Variants in UBE2E2 observed in about 807,000 individuals in gnomAD.
UBE2E2 encodes the protein ubiquitin-conjugating enzyme E2 E2.
Under a neutral mutation model 24.7 loss-of-function variants are expected in UBE2E2, and 6 were observed. The ratio of observed to expected loss-of-function variants is 0.24; its 90% CI spans 0.13 to 0.48. UBE2E2 has a LOEUF of 0.48. Among genes scored for constraint, UBE2E2 ranks in the 20% least tolerant of loss-of-function variants. The pLI is 0.99. For synonymous variants in UBE2E2, 104 were observed against 83.6 expected (o/e 1.24, Z -1.33); for missense variants, 169 against 245.0 (o/e 0.69, Z 2.07).
At chr3:23,536,757 T>A (rs903540753) in intron 5 of UBE2E2, among the ~76,000 whole-genome samples, 3 of 152,248 alleles carry the variant, frequency 2.0e-5, no homozygotes, top group Non-Finnish European at 4.4e-5. Context: ...GATACTGAGA[T>A]TGACCATTAT....
In UBE2E2 at chr3:23,284,332, CT is replaced by C. The variant is rs1698558676; in HGVS notation, c.227+67025del. Among the ~76,000 whole-genome samples the C allele has an allele frequency of 5.3e-5, 8 of 152,040 alleles. No homozygotes were observed. The South Asian group carries it at 1.7e-3, about 32-fold the overall frequency. ...TGTGATTTTTAAAAATGTAAAGACT[CT>C]TTTTGGCCTTATTTGAGCTCATAAA... On this transcript the variant is annotated intron_variant, in intron 3 of 5. Coordinates refer to ENST00000396703, the MANE Select transcript of UBE2E2 (RefSeq NM_152653.4).
intron 3 of UBE2E2, among the ~76,000 whole-genome samples, chr3:23,398,299 C>T (rs1459837379): frequency 1.7e-5 from 2 of 116,120 alleles, no homozygotes; most frequent in Non-Finnish European, 3.2e-5. Flanking sequence ...GACAGCAGAG[C>T]AAGACTCCAT....
chr3:23,399,357 G>A (rs1697160262), intron 3 of UBE2E2, among the ~76,000 whole-genome samples: 2 of 152,156 alleles, frequency 1.3e-5, no homozygotes, highest in African/African-American at 4.8e-5. Flanking sequence ...CTGAGATCTG[G>A]TAACTGAGAT....
At chr3:23,292,605 C>T (rs1698798467) in intron 3 of UBE2E2, among the ~76,000 whole-genome samples, 1 of 152,172 alleles carries the variant, frequency 6.6e-6, no homozygotes, top group African/African-American at 2.4e-5. Flanking sequence ...TTAAAATTCA[C>T]CTCCTCCTGG....
intron 5 of UBE2E2, among the ~76,000 whole-genome samples, chr3:23,586,249 A>G (rs1219545523): frequency 6.6e-6 from 1 of 152,202 alleles, no homozygotes; most frequent in African/African-American, 2.4e-5. Context: ...GATAGTTACT[A>G]TGTTGAATAG....
chr3:23,585,670 C>G (rs890622181), intron 5 of UBE2E2, among the ~76,000 whole-genome samples: 2 of 152,072 alleles, frequency 1.3e-5, no homozygotes, highest in East Asian at 3.9e-4. Context: ...ATTTACTTAT[C>G]TACTGATAAA....
chr3:23,353,280 T>C (rs1369129495), intron 3 of UBE2E2, among the ~76,000 whole-genome samples: 4 of 151,970 alleles, frequency 2.6e-5, no homozygotes, highest in Non-Finnish European at 4.4e-5. Flanking sequence ...GCCAATATCA[T>C]ACTGAATGGG....
intron 3 of UBE2E2, among the ~76,000 whole-genome samples, chr3:23,458,608 G>A (rs1251516895): frequency 1.3e-5 from 2 of 152,030 alleles, no homozygotes; most frequent in Non-Finnish European, 2.9e-5. Flanking sequence ...TAGTAGAGAT[G>A]GGGTTTTACT....
chr3:23,242,757 A>G (rs1386112147), intron 3 of UBE2E2, among the ~76,000 whole-genome samples: 1 of 152,132 alleles, frequency 6.6e-6, no homozygotes, highest in East Asian at 1.9e-4. Context: ...TAAAATCCCC[A>G]AATTTCTTAT....
rs148903719 is a variant in UBE2E2 at position 23,566,550 on chromosome 3, A to G, written c.509-23184A>G. Among the ~76,000 whole-genome samples, 98 of 152,324 alleles carry G rather than the reference A, an allele frequency of 6.4e-4. 5 individuals are homozygous for G. The East Asian group carries it at 0.015, about 24-fold the overall frequency. ...TCACAGTTCTGCAGGGTGTACAAGAAGTATAGTGCCAGCATCTGCTTCTGG... is the reference window on the plus strand; with the variant it reads ...TCACAGTTCTGCAGGGTGTACAAGAGGTATAGTGCCAGCATCTGCTTCTGG... On this transcript the variant is annotated intron_variant, in intron 5 of 5. Transcript: ENST00000396703.
chr3:23,514,647 A>G (rs1289611533), intron 4 of UBE2E2, among the ~76,000 whole-genome samples: 4 of 151,998 alleles, frequency 2.6e-5, no homozygotes, highest in South Asian at 2.1e-4. Flanking sequence ...CTGCATGAGA[A>G]ATGACAAATG....
chr3:23,336,469 T>C (rs778638703), intron 3 of UBE2E2, among the ~76,000 whole-genome samples: 1 of 152,214 alleles, frequency 6.6e-6, no homozygotes, highest in Non-Finnish European at 1.5e-5. Context: ...GTAAAAGTTT[T>C]GTCAGGAGGT....
chr3:23,444,260 T>C (rs948217327), intron 3 of UBE2E2, among the ~76,000 whole-genome samples: 3 of 152,134 alleles, frequency 2.0e-5, no homozygotes, highest in African/African-American at 7.2e-5. Context: ...TCTGGACATA[T>C]TTCTTCTTCC....
chr3:23,409,674 C>T (rs1697453608), intron 3 of UBE2E2, among the ~76,000 whole-genome samples: 1 of 152,130 alleles, frequency 6.6e-6, no homozygotes, highest in Admixed American at 6.6e-5. Context: ...AAATAGGTGG[C>T]TTAAAACAAA....
At chr3:23,487,017 G>A (rs1375090424) in intron 3 of UBE2E2, among the ~76,000 whole-genome samples, 1 of 152,166 alleles carries the variant, frequency 6.6e-6, no homozygotes, top group East Asian at 1.9e-4. Flanking sequence ...TATCTGTGGT[G>A]CCCAGGCTGT....
chr3:23,459,091 C>T (rs1375459094), intron 3 of UBE2E2, among the ~76,000 whole-genome samples: 1 of 152,036 alleles, frequency 6.6e-6, no homozygotes, highest in Non-Finnish European at 1.5e-5. Flanking sequence ...AATTATGTGC[C>T]CATACAGATT....
chr3:23,528,406 A>G (rs1023502356), intron 4 of UBE2E2, among the ~76,000 whole-genome samples: 1 of 152,136 alleles, frequency 6.6e-6, no homozygotes, highest in Non-Finnish European at 1.5e-5. Context: ...TTATCTAGAG[A>G]GACAGTACAC....
chr3:23,285,571 C>T (rs969109624), intron 3 of UBE2E2, among the ~76,000 whole-genome samples: 1 of 152,150 alleles, frequency 6.6e-6, no homozygotes, highest in East Asian at 1.9e-4. Flanking sequence ...GTCATTTTAA[C>T]TGGGGTGAGA....
intron 3 of UBE2E2, among the ~76,000 whole-genome samples, chr3:23,436,456 A>C (rs777587170): frequency 6.6e-6 from 1 of 152,160 alleles, no homozygotes; most frequent in African/African-American, 2.4e-5. Flanking sequence ...CATCTGTTGT[A>C]TTCTCATAGA....
Sources: gnomAD v4.1 joint callset for allele counts (sites outside exome capture counted in the v4.1 genomes callset) on GRCh38, gnomAD v4.1.1 for gene constraint, MANE v1.5 for transcripts, NCBI Gene and HGNC (gene_info 2026-07-23, HGNC 2026-07-21) for gene names.